CHRNA10: variants seen among roughly 807,000 people sequenced by gnomAD.
The protein encoded by CHRNA10 is neuronal acetylcholine receptor subunit alpha-10.
Under a neutral mutation model 36.0 loss-of-function variants are expected in CHRNA10, and 31 were observed. The ratio of observed to expected loss-of-function variants is 0.86; its 90% CI spans 0.65 to 1.16. The LOEUF is 1.16. CHRNA10 is among the 50% of genes most tolerant of loss of function. CHRNA10 has a pLI of 0.00. For missense variants in CHRNA10, 648 were observed against 640.9 expected, an observed-to-expected ratio of 1.01 and a Z score of -0.12; for synonymous variants, 302 against 287.0, an observed-to-expected ratio of 1.05 and a Z score of -0.53.
intron 2 of CHRNA10, 108 bp from the exon 3 acceptor site, chr11:3,669,458 G>A: frequency 1.5e-6 from 2 of 1,371,466 alleles, no homozygotes; most frequent in Non-Finnish European, 2.0e-6. Flanking sequence ...AACCTGACTT[G>A]TCCATACCGT....
chr11:3,665,885 T>A lies in CHRNA10; in HGVS notation c.*222A>T. On this transcript the variant is annotated 3_prime_UTR_variant, in exon 5 of 5. Coordinates refer to ENST00000250699, the MANE Select transcript of CHRNA10 (RefSeq NM_020402.4). The stretch of plus-strand genomic sequence containing the variant: ...GTGATCTTGGCCTTTGTAGAGTTCC[T>A]CTTTTTTTTGGAATTAGGGGAGTGG... 2.1e-6 allele frequency: 1 copy of A among 480,460 alleles called. No homozygotes were observed. Among genetic ancestry groups the A allele is most frequent in the Non-Finnish European group, 3.6e-6 (1 of 275,030 alleles). 29.8% of individuals were successfully genotyped at this position (480,460 alleles called of 1,614,324 possible).
intron 4 of CHRNA10, 109 bp downstream of exon 4, chr11:3,667,123 C>G (rs2077668311): frequency 1.4e-6 from 2 of 1,417,458 alleles, no homozygotes; most frequent in Admixed American, 2.9e-5. Flanking sequence ...AGGACGCCCC[C>G]CTCTCACTTT....
intron 4 of CHRNA10, 130 bp downstream of exon 4, chr11:3,667,102 G>C (rs1457521477): frequency 7.3e-7 from 1 of 1,376,606 alleles, no homozygotes; most frequent in East Asian, 2.6e-5. Flanking sequence ...TTAAAATGAG[G>C]GCACGTTCCC....
At chr11:3,667,147 G>A (rs992747674) in intron 4 of CHRNA10, 85 bp downstream of exon 4, 22 of 1,436,160 alleles carry the variant, frequency 1.5e-5, no homozygotes, top group Non-Finnish European at 2.0e-5. Flanking sequence ...CAGTGGGGCC[G>A]TTCCGCAGAC....
chr11:3,670,268 C>G (rs961932612), intron 1 of CHRNA10, among the ~76,000 whole-genome samples: 5 of 152,182 alleles, frequency 3.3e-5, no homozygotes, highest in Admixed American at 6.5e-5. Context: ...AGACTTTCAC[C>G]CAGGGATTCT....
chr11:3,669,466 C>T (rs991300818), intron 2 of CHRNA10, 116 bp from the exon 3 acceptor site: 36 of 1,304,944 alleles, frequency 2.8e-5, no homozygotes, highest in Admixed American at 4.6e-5. Context: ...TTGTCCATAC[C>T]GTCCAGTTCC....
intron 2 of CHRNA10, 81 bp from the exon 3 acceptor site, chr11:3,669,431 T>C (rs1005013621): frequency 1.3e-6 from 2 of 1,532,014 alleles, no homozygotes; most frequent in Admixed American, 3.6e-5. Flanking sequence ...CCTGCAGGGC[T>C]CTGGTCAGCA....
chr11:3,671,249 T>C lies in CHRNA10; in HGVS notation c.61+3A>G, dbSNP rs2077711960. 2 of 1,614,034 alleles carry C rather than the reference T, an allele frequency of 1.2e-6. No individual in the cohort carries two copies. The highest frequency in any genetic ancestry group is 1.7e-6 in the Non-Finnish European group (2 of 1,179,890). On this transcript the variant is annotated splice_donor_region_variant and intron_variant, in intron 1 of 4. Transcript: ENST00000250699. ...GCCAGGGCTGGTGTACTGAGCTTCA[T>C]ACCTGCAGGGAGTAGAAACAGAAGC...
intron 1 of CHRNA10, 53 bp downstream of exon 1, chr11:3,671,198 CA>C: frequency 6.4e-7 from 1 of 1,556,146 alleles, no homozygotes; most frequent in East Asian, 2.2e-5. Context: ...TTTGGGAGAA[CA>C]GGAATAGTAG....
rs1159497035 is a variant in CHRNA10, at chr11:3,666,336, C to T, written c.1124G>A (p.Gly375Glu). ...LSPSPQSPEGGAGPPAGPCHE... is the reference protein window; with the variant it reads ...LSPSPQSPEGEAGPPAGPCHE... ...GCAAGGGCCCGCTGGGGGGCCAGCC[C>T]CTCCTTCAGGCGACTGGGGGCTAGG... Residue 375 changes from glycine (G) to glutamate (E), a missense_variant, in exon 5 of 5, where the codon GGG becomes GAG. Transcript: ENST00000250699. 26 of 1,613,394 alleles carry T rather than the reference C, an allele frequency of 1.6e-5. No individual in the cohort carries two copies. Among genetic ancestry groups the T allele is most frequent in the Non-Finnish European group, 2.2e-5 (26 of 1,179,890 alleles).
At chr11:3,670,065 T>G (rs1449568349) in intron 1 of CHRNA10, 124 bp from the exon 2 acceptor site, 1 of 1,071,682 alleles carries the variant, frequency 9.3e-7, no homozygotes, top group Non-Finnish European at 1.4e-6. Flanking sequence ...TGCCTTCTCT[T>G]GCTCTAGCTG....
intron 1 of CHRNA10, 138 bp from the exon 2 acceptor site, chr11:3,670,079 C>T (rs1564790507): frequency 1.1e-6 from 1 of 915,692 alleles, no homozygotes; most frequent in Non-Finnish European, 1.7e-6. Context: ...CTAGCTGTGG[C>T]TCTAGTTCCT....
intron 1 of CHRNA10, chr11:3,671,006 C>G (rs973164965): frequency 8.8e-6 from 5 of 567,328 alleles, no homozygotes; most frequent in Admixed American, 3.0e-5. Context: ...CCTTCAACAT[C>G]TGGCCCCTCT....
Position 3,666,423 on chromosome 11 carries a change from CG to C in CHRNA10, c.1036del (p.Arg346GlyfsTer54). On this transcript the variant is annotated frameshift_variant, in exon 5 of 5. Transcript: ENST00000250699. LOFTEE classifies it high-confidence loss of function. The stretch of plus-strand genomic sequence containing the variant: ...CCCTCTTTCCCGCACGCACAGGCCC[CG>C]TGCCAGGTGTCCCAGCAGGAGGGCC... ...ARALLLGHLARGLCVRERGEP... is the reference protein window; with the variant it reads ...ARALLLGHLAXGLCVRERGEP... 1.2e-6 allele frequency: 2 copies of C among 1,613,962 alleles called. No individual in the cohort carries two copies. The highest frequency in any genetic ancestry group is 1.7e-6 in the Non-Finnish European group (2 of 1,179,944).
chr11:3,670,145 A>G (rs1269144241), intron 1 of CHRNA10, among the ~76,000 whole-genome samples: 1 of 152,156 alleles, frequency 6.6e-6, no homozygotes, highest in Non-Finnish European at 1.5e-5. Context: ...AACTGGTACT[A>G]TCTTCTGGCG....
chr11:3,669,642 C>T (rs538516636), intron 2 of CHRNA10, 154 bp downstream of exon 2: 87 of 1,036,274 alleles, frequency 8.4e-5, no homozygotes, highest in Middle Eastern at 6.0e-4. Flanking sequence ...CAGTACCCAA[C>T]AGTCAGTACC....
In CHRNA10 at chr11:3,671,268, CAG is replaced by C. The variant is rs1682522801; in HGVS notation, c.43_44del (p.Leu15ValfsTer11). The part of the protein sequence containing the change: ...SHHLSLGLLL[L>X]FLLPAECLGA... ...GCTTCATACCTGCAGGGAGTAGAAA[CAG>C]AAGCAGAAGGCCCAGGCTGAGGTGG... is the stretch of plus-strand genomic sequence containing the variant. On this transcript the variant is annotated frameshift_variant, in exon 1 of 5. Coordinates refer to ENST00000250699, the MANE Select transcript of CHRNA10 (RefSeq NM_020402.4). LOFTEE classifies it high-confidence loss of function. 6.2e-7 allele frequency: 1 copy of C among 1,614,138 alleles called. No homozygotes were observed. The highest frequency in any genetic ancestry group is 8.5e-7 in the Non-Finnish European group (1 of 1,180,000).
chr11:3,667,463 G>A lies in CHRNA10; in HGVS notation c.664C>T (p.Pro222Ser), dbSNP rs1320094989. 1 of 1,593,210 alleles carries A rather than the reference G, an allele frequency of 6.3e-7. No homozygotes were observed. Residue 222 changes from proline (P) to serine (S), a missense_variant, in exon 4 of 5, where the codon CCC (proline) becomes TCC (serine). Transcript: ENST00000250699. ...RVLTYGCCSEPYPDVTFTLLL... is the reference protein window; with the variant it reads ...RVLTYGCCSESYPDVTFTLLL... ...AGCGTGAAGGTGACGTCGGGGTAGG[G>A]CTCGGAGCAGCAGCCGTAGGTGAGC...
chr11:3,667,417 G>A lies in CHRNA10; in HGVS notation c.710C>T (p.Ala237Val). ...TFTLLLRRRA[A>V]AYVCNLLLPC... ...CAGCAGCAGGTTGCACACGTAGGCG[G>A]CGGCGCGGCGGCGCAGCAGCAGCGT... is the stretch of plus-strand genomic sequence containing the variant. The change falls in exon 4 of 5, where the codon GCC becomes GTC. Residue 237 changes from alanine to valine, a missense_variant. Physicochemically the swap from Ala to Val is moderately conservative, Grantham distance 64. Transcript: ENST00000250699. 2 of 1,596,684 alleles carry A rather than the reference G, an allele frequency of 1.3e-6. No homozygotes were observed. Among genetic ancestry groups the A allele is most frequent in the Non-Finnish European group, 8.5e-7 (1 of 1,176,546 alleles).
Sources: allele counts gnomAD v4.1 joint callset (sites outside exome capture counted in the v4.1 genomes callset), GRCh38; gene constraint gnomAD v4.1.1; transcripts MANE v1.5; gene names NCBI Gene and HGNC (gene_info 2026-07-23, HGNC 2026-07-21).